Variants in SCAF4 observed in about 807,000 individuals in gnomAD.
SCAF4 encodes SR-related CTD associated factor 4.
In SCAF4, 25 loss-of-function variants were observed where a neutral mutation model predicts 129.8. That is an observed-to-expected ratio of 0.19 (90% CI 0.14 to 0.27). The LOEUF is 0.27. SCAF4 is among the 10% of genes least tolerant of loss of function. The pLI is 1.00. For missense variants in SCAF4, 1,246 were observed against 1,457.1 expected, an observed-to-expected ratio of 0.86 and a Z score of 2.36; for synonymous variants, 551 against 497.7, an observed-to-expected ratio of 1.11 and a Z score of -1.43.
At chr21:31,700,769 T>C (rs2050508944) in intron 7 of SCAF4, 1 of 401,290 alleles carries the variant, frequency 2.5e-6, no homozygotes, top group East Asian at 4.0e-5. Context: ...ACTTTTTTAA[T>C]TTTACACTAG....
At chr21:31,706,473 A>T in intron 1 of SCAF4, 116 bp from the exon 2 acceptor site, 2 of 688,266 alleles carry the variant, frequency 2.9e-6, no homozygotes, top group Non-Finnish European at 5.0e-6. Flanking sequence ...CGGGGTGGTG[A>T]GGGGGGTCTT....
chr21:31,696,662 G>A lies in SCAF4; in HGVS notation c.866C>T (p.Ala289Val). 1.2e-6 allele frequency: 2 copies of A among 1,613,980 alleles called. No individual in the cohort carries two copies. The highest frequency in any genetic ancestry group is 1.7e-6 in the Non-Finnish European group (2 of 1,179,892). The part of the protein sequence containing the change: ...KEDTTAVTTT[A>V]PAAAVPPAPT... Reference sequence around the variant, plus strand: ...TGCAGGGGGTACTGCGGCAGCAGGTGCTGTCGTGGTGACGGCAGTGGTATC... The same window carrying A: ...TGCAGGGGGTACTGCGGCAGCAGGTACTGTCGTGGTGACGGCAGTGGTATC... Residue 289 changes from alanine to valine, a missense_variant, in exon 8 of 20, where the codon GCA becomes GTA. Physicochemically the swap from Ala to Val is moderately conservative, Grantham distance 64 (BLOSUM62 0). Coordinates refer to ENST00000286835, the MANE Select transcript of SCAF4 (RefSeq NM_020706.2).
At chr21:31,708,722 T>A (rs1477190085) in intron 1 of SCAF4, among the ~76,000 whole-genome samples, 1 of 152,184 alleles carries the variant, frequency 6.6e-6, no homozygotes, top group Non-Finnish European at 1.5e-5. Context: ...GCAAAAATCC[T>A]GAAGAAACTA....
chr21:31,691,211 T>TA (rs913261599), intron 14 of SCAF4, among the ~76,000 whole-genome samples: 1 of 152,096 alleles, frequency 6.6e-6, no homozygotes, highest in African/African-American at 2.4e-5. Flanking sequence ...ACATAAAACT[T>TA]AGAGAAAAGG....
At chr21:31,677,455 G>A (rs2049887276) in intron 19 of SCAF4, among the ~76,000 whole-genome samples, 1 of 152,150 alleles carries the variant, frequency 6.6e-6, no homozygotes, top group Non-Finnish European at 1.5e-5. Context: ...CTCCTGAGAT[G>A]TTCAAAATCC....
intron 19 of SCAF4, among the ~76,000 whole-genome samples, chr21:31,681,475 T>C (rs1249299125): frequency 6.6e-6 from 1 of 152,186 alleles, no homozygotes; most frequent in Non-Finnish European, 1.5e-5. Context: ...ATACATGTTA[T>C]ACAAAAGTTT....
intron 1 of SCAF4, among the ~76,000 whole-genome samples, chr21:31,715,776 T>C (rs182115743): frequency 1.3e-5 from 2 of 152,350 alleles, no homozygotes; most frequent in East Asian, 3.9e-4. Flanking sequence ...CTGATATTCC[T>C]TGGGTATTTA....
chr21:31,723,609 G>GTTTTGTGT (rs112184778), intron 1 of SCAF4, among the ~76,000 whole-genome samples: 42 of 146,130 alleles, frequency 2.9e-4, no homozygotes, highest in African/African-American at 9.2e-4. Context: ...TGATTTATAT[G>GTTTTGTGT]ATGTGTGTGT....
chr21:31,724,399 T>C (rs146352769), intron 1 of SCAF4, among the ~76,000 whole-genome samples: 1 of 152,234 alleles, frequency 6.6e-6, no homozygotes, highest in African/African-American at 2.4e-5. Context: ...GAACTGTTAA[T>C]AGGTAAGCTG....
chr21:31,731,551 G>A, intron 1 of SCAF4, 112 bp downstream of exon 1: 1 of 1,293,398 alleles, frequency 7.7e-7, no homozygotes, highest in Non-Finnish European at 1.1e-6. Flanking sequence ...CCCCGGAACC[G>A]GGGCAGGAAG....
intron 16 of SCAF4, among the ~76,000 whole-genome samples, chr21:31,686,024 G>A (rs549462839): frequency 4.6e-5 from 7 of 151,706 alleles, no homozygotes; most frequent in African/African-American, 7.3e-5. Flanking sequence ...TCAACATGGC[G>A]AAACCCTGTC....
Position 31,691,873 on chromosome 21 carries a change from G to A in SCAF4, c.1672C>T (p.Arg558Cys). ...IVMVHRQDAY[R>C]ALQKLSRGNY... ...CCTCGGCTCAGTTTCTGCAGGGCAC[G>A]ATAGGCATCTTGCCTATGAACCATA... Residue 558 changes from arginine (R) to cysteine (C), a missense_variant, in exon 14 of 20, where the codon CGT (arginine) becomes TGT (cysteine). By Grantham distance (180) the Arg-to-Cys change is radical. Transcript: ENST00000286835. 3.7e-6 allele frequency: 6 copies of A among 1,609,956 alleles called. No homozygotes were observed. The highest frequency in any genetic ancestry group is 5.1e-6 in the Non-Finnish European group (6 of 1,177,976).
rs1601215642 is a variant in SCAF4, at chr21:31,695,039, T to C, written c.1069-59A>G. 5 of 1,446,256 alleles carry C rather than the reference T, an allele frequency of 3.5e-6. No individual in the cohort carries two copies. The East Asian group carries it at 6.9e-5, about 20-fold the overall frequency. 89.6% of individuals were successfully genotyped at this position (1,446,256 alleles called of 1,614,324 possible). On this transcript the variant is annotated intron_variant, in intron 9 of 19. Coordinates refer to ENST00000286835, the MANE Select transcript of SCAF4 (RefSeq NM_020706.2). ...CTATCAAAATAATTTGGAAAACCTT[T>C]AGTTATATAAAACTAAAATATCCTC... is the stretch of plus-strand genomic sequence containing the variant.
chr21:31,721,875 C>T (rs893492990), intron 1 of SCAF4, among the ~76,000 whole-genome samples: 2 of 152,048 alleles, frequency 1.3e-5, no homozygotes, highest in Non-Finnish European at 2.9e-5. Context: ...CATGAGCCAC[C>T]ACACCCAGCT....
At chr21:31,723,726 A>C (rs540390417) in intron 1 of SCAF4, among the ~76,000 whole-genome samples, 1 of 152,120 alleles carries the variant, frequency 6.6e-6, no homozygotes, top group South Asian at 2.1e-4. Context: ...TTGCTATACA[A>C]AAAGGGTGTG....
chr21:31,726,488 C>G (rs2051208181), intron 1 of SCAF4, among the ~76,000 whole-genome samples: 2 of 152,060 alleles, frequency 1.3e-5, no homozygotes, highest in Non-Finnish European at 2.9e-5. Flanking sequence ...AGAGCCAAAC[C>G]CCGTGTCTAC....
chr21:31,714,807 T>G (rs949083171), intron 1 of SCAF4, among the ~76,000 whole-genome samples: 1 of 152,200 alleles, frequency 6.6e-6, no homozygotes, highest in African/African-American at 2.4e-5. Flanking sequence ...TTAAATAGGA[T>G]AATGTATGTA....
intron 1 of SCAF4, among the ~76,000 whole-genome samples, chr21:31,723,609 G>GTTTTGT (rs112184778): frequency 2.1e-5 from 3 of 146,038 alleles, no homozygotes; most frequent in African/African-American, 7.5e-5. Context: ...TGATTTATAT[G>GTTTTGT]ATGTGTGTGT....
intron 9 of SCAF4, among the ~76,000 whole-genome samples, chr21:31,695,820 T>C (rs1176451289): frequency 6.6e-6 from 1 of 152,198 alleles, no homozygotes; most frequent in African/African-American, 2.4e-5. Context: ...GGAAGGCCCT[T>C]CCAAGGGAAA....
Sources: gnomAD v4.1 joint callset for allele counts (sites outside exome capture counted in the v4.1 genomes callset) on GRCh38, gnomAD v4.1.1 for gene constraint, MANE v1.5 for transcripts, NCBI Gene and HGNC (gene_info 2026-07-23, HGNC 2026-07-21) for gene names.